Variants in LANCL2 observed in about 807,000 individuals in gnomAD.
LANCL2 encodes the protein LanC like glutathione S-transferase 2.
In LANCL2, 33 loss-of-function variants were observed where a neutral mutation model predicts 56.9. That is an observed-to-expected ratio of 0.58 (90% CI 0.44 to 0.78). The LOEUF is 0.78. Ranked by LOEUF, LANCL2 falls within the 30% of genes least tolerant of loss-of-function variation. The pLI is 0.00. For synonymous variants in LANCL2, 233 were observed against 228.2 expected, an observed-to-expected ratio of 1.02 and a Z score of -0.19; for missense variants, 562 against 580.2, an observed-to-expected ratio of 0.97 and a Z score of 0.32.
chr7:55,398,518 C>T lies in LANCL2; in HGVS notation c.418C>T (p.Leu140=). 1 of 1,614,208 alleles carries T rather than the reference C, an allele frequency of 6.2e-7. No homozygotes were observed. ...TTACGTAAAAAGAACACTTCGGAAT[C>T]TGAATGGCCGCAGGGTCACCTTCCT... ...LDYVKRTLRN[L]NGRRVTFLCG... Residue 140 remains leucine, a synonymous_variant, in exon 3 of 9, where the codon CTG becomes TTG. Transcript: ENST00000254770.
intron 5 of LANCL2, among the ~76,000 whole-genome samples, chr7:55,408,386 G>A (rs550301293): frequency 2.6e-5 from 4 of 152,136 alleles, no homozygotes; most frequent in African/African-American, 9.6e-5. Context: ...AGGGACATAG[G>A]CTGGGCGCAG....
At chr7:55,370,462 T>C (rs1045861397) in intron 1 of LANCL2, among the ~76,000 whole-genome samples, 16 of 152,184 alleles carry the variant, frequency 1.1e-4, no homozygotes, top group African/African-American at 3.6e-4. Context: ...AGGGCTGAAA[T>C]CTTGAACTTG....
chr7:55,403,569 G>GTT lies in LANCL2; in HGVS notation c.825+2268_825+2269dup, dbSNP rs34481346. The stretch of plus-strand genomic sequence containing the variant: ...TCTGGGTTTTTTTTGTTTGTTTGTT[G>GTT]TTTTTTTTTTTTTTTTTTTTGAGAC... On this transcript the variant is annotated intron_variant, in intron 5 of 8. Transcript: ENST00000254770. Among the ~76,000 whole-genome samples the GTT allele has an allele frequency of 1.6e-3, 155 of 99,500 alleles. 3 individuals carry two copies. The highest frequency in any genetic ancestry group is 2.7e-3 in the African/African-American group (70 of 25,566). 65.3% of individuals were successfully genotyped at this position (99,500 alleles called of 152,430 possible). A position where few individuals can be genotyped will look rare whatever the true frequency, so the allele number is the denominator to read the frequency against.
chr7:55,379,133 G>A (rs1485383144), intron 1 of LANCL2, among the ~76,000 whole-genome samples: 1 of 150,786 alleles, frequency 6.6e-6, no homozygotes, highest in Non-Finnish European at 1.5e-5. Context: ...CTGGGTGACA[G>A]AGCGAGACTA....
rs758828282 is a variant in LANCL2, at chr7:55,401,316, T to C, written c.821T>C (p.Met274Thr). 1.9e-6 allele frequency: 3 copies of C among 1,613,602 alleles called. No individual in the cohort carries two copies. The highest frequency in any genetic ancestry group is 2.2e-5 in the East Asian group (1 of 44,868). ...ATGGCTGGAATTTACTATATGTTAA[T>C]GCAGGTAGGTAAGAATACTCTTACA... ...HGMAGIYYML[M>T]QPAAKVDQET... The change falls in exon 5 of 9, where the codon ATG becomes ACG. Residue 274 changes from methionine (M) to threonine (T), a missense_variant. This residue lies in a region of LANCL2 where 378 missense variants were observed against 468.4 expected (regional missense o/e 0.81). Transcript: ENST00000254770.
chr7:55,391,636 A>G (rs1454406597), intron 1 of LANCL2, among the ~76,000 whole-genome samples, 157 bp from the exon 2 acceptor site: 2 of 152,144 alleles, frequency 1.3e-5, no homozygotes, highest in South Asian at 2.1e-4. Flanking sequence ...AAGTAACCTT[A>G]TAAAAACCAA....
At chr7:55,400,151 T>G in intron 4 of LANCL2, 47 bp downstream of exon 4, 1 of 1,437,544 alleles carries the variant, frequency 7.0e-7, no homozygotes, top group Non-Finnish European at 9.3e-7. Flanking sequence ...CATTCAAACC[T>G]ATTTGCTAGC....
Position 55,412,083 on chromosome 7 carries a change from G to A in LANCL2, c.1002G>A (p.Ala334=), listed in dbSNP as rs776520148. 12 of 1,612,518 alleles carry A rather than the reference G, an allele frequency of 7.4e-6. No homozygotes were observed. In the African/African-American group the frequency reaches 9.3e-5, roughly 13 times the overall value. ...GGGTCATCCACATGCTCATGCAGGC[G>A]TACAAGGTCAGTGCTTCCGCCGTCA... The part of the protein sequence containing the change: ...APGVIHMLMQ[A]YKVFKEEKYL... The change falls in exon 6 of 9, where the codon GCG becomes GCA. Residue 334 remains alanine (A), a synonymous_variant. Transcript: ENST00000254770.
chr7:55,379,281 CAACTT>C (rs770149168), intron 1 of LANCL2, among the ~76,000 whole-genome samples: 2 of 152,202 alleles, frequency 1.3e-5, no homozygotes, highest in East Asian at 1.9e-4. Flanking sequence ...CTGGAAAACT[CAACTT>C]AAACGTACTT....
intron 1 of LANCL2, among the ~76,000 whole-genome samples, chr7:55,366,763 A>G (rs1297633589): frequency 5.3e-5 from 8 of 152,234 alleles, no homozygotes; most frequent in Admixed American, 5.2e-4. Context: ...TTACATTGAC[A>G]TAAAACAGAT....
intron 4 of LANCL2, 111 bp from the exon 5 acceptor site, chr7:55,401,063 G>T: frequency 1.4e-6 from 1 of 717,680 alleles, no homozygotes. Flanking sequence ...TTTAGATTAA[G>T]GCTTCTGCCT....
At chr7:55,428,311 C>A in intron 7 of LANCL2, 64 bp from the exon 8 acceptor site, 1 of 1,420,394 alleles carries the variant, frequency 7.0e-7, no homozygotes, top group Non-Finnish European at 1.0e-6. Context: ...ACATTGCATT[C>A]TCATTTATTG....
At chr7:55,380,009 C>G (rs571944453) in intron 1 of LANCL2, among the ~76,000 whole-genome samples, 4 of 152,096 alleles carry the variant, frequency 2.6e-5, no homozygotes, top group Non-Finnish European at 4.4e-5. Context: ...ACTCAGCTTT[C>G]GCTATAAGGG....
At chr7:55,404,723 T>G (rs762579451) in intron 5 of LANCL2, among the ~76,000 whole-genome samples, 7 of 152,086 alleles carry the variant, frequency 4.6e-5, no homozygotes, top group Non-Finnish European at 5.9e-5. Context: ...AAGCCATTCT[T>G]CTGCCTTAGC....
chr7:55,417,373 C>T (rs533092005), intron 6 of LANCL2, among the ~76,000 whole-genome samples: 3 of 152,110 alleles, frequency 2.0e-5, no homozygotes, highest in South Asian at 2.1e-4. Flanking sequence ...ATTTTGGTTC[C>T]TCTATCAAAA....
intron 1 of LANCL2, among the ~76,000 whole-genome samples, chr7:55,375,563 G>C (rs1416559810): frequency 6.6e-6 from 1 of 152,196 alleles, no homozygotes; most frequent in Non-Finnish European, 1.5e-5. Flanking sequence ...CCACTTGAAG[G>C]ATTAGCTAAG....
chr7:55,416,987 T>TTTTG (rs1245741994), intron 6 of LANCL2, among the ~76,000 whole-genome samples: 12 of 141,078 alleles, frequency 8.5e-5, no homozygotes, highest in South Asian at 2.4e-4. Context: ...TTTTTTTTTT[T>TTTTG]TTTTTTTTTG....
intron 7 of LANCL2, 114 bp from the exon 8 acceptor site, chr7:55,428,261 G>A (rs1790687460): frequency 1.1e-6 from 1 of 884,900 alleles, no homozygotes; most frequent in Middle Eastern, 2.2e-4. Flanking sequence ...CACGCTGAAT[G>A]CCCTACAGCT....
intron 1 of LANCL2, among the ~76,000 whole-genome samples, chr7:55,373,027 C>T (rs541048501): frequency 4.7e-4 from 72 of 152,268 alleles, no homozygotes; most frequent in Admixed American, 1.5e-3. Flanking sequence ...ACAGTAGAAC[C>T]TACCAGCTCA....
Sources: gnomAD v4.1 joint callset for allele counts (sites outside exome capture counted in the v4.1 genomes callset) on GRCh38, gnomAD v4.1.1 for gene constraint, gnomAD v4.1.1 regional missense constraint, MANE v1.5 for transcripts, NCBI Gene and HGNC (gene_info 2026-07-23, HGNC 2026-07-21) for gene names.